Variants in PATJ observed in about 807,000 individuals in gnomAD.
PATJ encodes the protein inaD-like protein.
Under a neutral mutation model 224.9 loss-of-function variants are expected in PATJ, and 190 were observed. The ratio of observed to expected loss-of-function variants is 0.84; its 90% CI spans 0.75 to 0.95. PATJ has a LOEUF of 0.95. Ranked by LOEUF, PATJ falls within the 40% of genes least tolerant of loss-of-function variation. PATJ has a pLI of 0.00. For missense variants in PATJ, 2,121 were observed against 2,270.3 expected (o/e 0.93, Z 1.34); for synonymous variants, 769 against 820.3 (o/e 0.94, Z 1.07).
At chr1:62,042,953 A>G (rs1651796887) in intron 30 of PATJ, among the ~76,000 whole-genome samples, 1 of 152,140 alleles carries the variant, frequency 6.6e-6, no homozygotes, top group East Asian at 1.9e-4. Context: ...AGTGTCACTG[A>G]GCTCTTATTA....
intron 14 of PATJ, among the ~76,000 whole-genome samples, chr1:61,821,994 C>T (rs766664742): frequency 2.6e-5 from 4 of 152,140 alleles, no homozygotes; most frequent in Non-Finnish European, 4.4e-5. Flanking sequence ...TCCTCACAGA[C>T]CTAGAATGGA....
At chr1:62,079,346 C>A in intron 31 of PATJ, 104 bp from the exon 32 acceptor site, 1 of 709,430 alleles carries the variant, frequency 1.4e-6, no homozygotes, top group Admixed American at 2.2e-5. Context: ...CAAAAGACAT[C>A]ATTGGACTGC....
At chr1:61,858,911 C>T (rs1036095259) in intron 18 of PATJ, among the ~76,000 whole-genome samples, 1 of 152,002 alleles carries the variant, frequency 6.6e-6, no homozygotes, top group Non-Finnish European at 1.5e-5. Context: ...AAGTTCTTGA[C>T]CTTTTGTGTA....
chr1:61,879,833 A>ATTTTTTTTT (rs11386909), intron 21 of PATJ, among the ~76,000 whole-genome samples: 2 of 145,596 alleles, frequency 1.4e-5, no homozygotes, highest in Non-Finnish European at 1.5e-5. Flanking sequence ...TACTCCATCT[A>ATTTTTTTTT]TTTTTTTTTT....
At chr1:62,032,258 G>A (rs1474676153) in intron 29 of PATJ, among the ~76,000 whole-genome samples, 2 of 152,168 alleles carry the variant, frequency 1.3e-5, no homozygotes, top group African/African-American at 4.8e-5. Context: ...CACAGTCCTT[G>A]TCAGGAAGCC....
intron 27 of PATJ, among the ~76,000 whole-genome samples, chr1:61,933,946 T>C (rs1032808506): frequency 5.3e-5 from 8 of 152,142 alleles, no homozygotes; most frequent in African/African-American, 1.9e-4. Context: ...TTACATTTTT[T>C]TTTTTTCGAG....
At chr1:62,118,180 A>T (rs1664659832) in intron 37 of PATJ, among the ~76,000 whole-genome samples, 1 of 149,486 alleles carries the variant, frequency 6.7e-6, no homozygotes, top group Admixed American at 6.7e-5. Context: ...ACACCATATT[A>T]AGTTTGAAAC....
intron 27 of PATJ, among the ~76,000 whole-genome samples, chr1:61,971,475 A>G (rs1433416419): frequency 1.3e-5 from 2 of 151,546 alleles, no homozygotes; most frequent in African/African-American, 4.9e-5. Context: ...TTAGCCAGGC[A>G]TGGTGGTGCA....
intron 28 of PATJ, among the ~76,000 whole-genome samples, chr1:62,007,900 G>T (rs1159421893): frequency 6.6e-6 from 1 of 152,144 alleles, no homozygotes; most frequent in Non-Finnish European, 1.5e-5. Context: ...GGGAATTAAG[G>T]CTTCAACATA....
intron 21 of PATJ, among the ~76,000 whole-genome samples, chr1:61,877,681 C>T (rs1467994681): frequency 6.6e-6 from 1 of 152,102 alleles, no homozygotes; most frequent in East Asian, 1.9e-4. Flanking sequence ...TTCCTGAGGC[C>T]TTCCTAGCCA....
chr1:61,812,354 TAG>T (rs71050165), intron 14 of PATJ, among the ~76,000 whole-genome samples: 1,118 of 111,604 alleles, frequency 0.01, 8 homozygotes, highest in African/African-American at 0.037. Context: ...GGGGAGGGAA[TAG>T]AGAGAGAGAG....
chr1:61,998,303 C>G (rs1220430633), intron 28 of PATJ, among the ~76,000 whole-genome samples: 1 of 151,532 alleles, frequency 6.6e-6, no homozygotes, highest in African/African-American at 2.4e-5. Flanking sequence ...AGGCTGGTCT[C>G]GAACTCCTGA....
At chr1:61,979,589 A>G (rs1644338575) in intron 27 of PATJ, among the ~76,000 whole-genome samples, 1 of 150,600 alleles carries the variant, frequency 6.6e-6, no homozygotes, top group Non-Finnish European at 1.5e-5. Flanking sequence ...GGAGGCGGAG[A>G]TTGCAGTGAG....
At chr1:62,125,252 AAC>A (rs1180123769) in intron 39 of PATJ, among the ~76,000 whole-genome samples, 6 of 94,858 alleles carry the variant, frequency 6.3e-5, no homozygotes, top group African/African-American at 1.3e-4. Context: ...AAAAAAAAAA[AAC>A]AAAAAAAAAC....
chr1:62,084,303 T>G (rs964771951), intron 32 of PATJ, among the ~76,000 whole-genome samples: 3 of 152,130 alleles, frequency 2.0e-5, no homozygotes, highest in South Asian at 4.2e-4. Flanking sequence ...GTAAAATTGA[T>G]GGGTTGAGGG....
intron 31 of PATJ, among the ~76,000 whole-genome samples, chr1:62,051,967 GC>G (rs1311991022): frequency 3.9e-5 from 6 of 152,218 alleles, no homozygotes; most frequent in East Asian, 1.9e-4. Context: ...CTTGCCAAAG[GC>G]CCCCAGCCAG....
chr1:61,973,944 ACTTAT>A (rs1435477584), intron 27 of PATJ, among the ~76,000 whole-genome samples: 2 of 151,886 alleles, frequency 1.3e-5, no homozygotes, highest in Non-Finnish European at 1.5e-5. Context: ...TGGGATAGGG[ACTTAT>A]CTTAGTGTTC....
At chr1:62,150,668 C>A (rs373820237) in intron 42 of PATJ, among the ~76,000 whole-genome samples, 3 of 117,838 alleles carry the variant, frequency 2.5e-5, no homozygotes, top group African/African-American at 3.5e-5. Context: ...CAGAACAAGA[C>A]CCTGTCTCAA....
chr1:61,760,294 T>C (rs919698503), intron 1 of PATJ, among the ~76,000 whole-genome samples: 31 of 152,230 alleles, frequency 2.0e-4, no homozygotes, highest in African/African-American at 7.0e-4. Context: ...GCATCCGTTA[T>C]TGGTTTTCAA....
Sources: gnomAD v4.1 joint callset for allele counts (sites outside exome capture counted in the v4.1 genomes callset) on GRCh38, gnomAD v4.1.1 for gene constraint, MANE v1.5 for transcripts, NCBI Gene and HGNC (gene_info 2026-07-23, HGNC 2026-07-21) for gene names.